The following VPS13B variants were observed in gnomAD, a reference collection of about 807,000 sequenced individuals.
VPS13B encodes vacuolar protein sorting 13 homolog B.
In VPS13B, 285 loss-of-function variants were observed where a neutral mutation model predicts 426.4. The observed-to-expected ratio is 0.67, with a 90% CI of 0.61 to 0.74. The LOEUF is 0.74. Ranked by LOEUF, VPS13B falls within the 30% of genes least tolerant of loss-of-function variation. VPS13B has a pLI of 0.00. For synonymous variants in VPS13B, 1,676 were observed against 1,676.4 expected (o/e 1.00, Z 0.01); for missense variants, 4,537 against 4,782.6 (o/e 0.95, Z 1.51).
chr8:99,377,393 A>T (rs1813546928), intron 19 of VPS13B, among the ~76,000 whole-genome samples: 1 of 152,174 alleles, frequency 6.6e-6, no homozygotes, highest in Non-Finnish European at 1.5e-5. Context: ...CTGGGCTTAC[A>T]TCCTAAACTA....
At chr8:99,524,576 T>C (rs191689639) in intron 30 of VPS13B, among the ~76,000 whole-genome samples, 4 of 152,302 alleles carry the variant, frequency 2.6e-5, no homozygotes, top group African/African-American at 9.6e-5. Flanking sequence ...GAGGATTGCT[T>C]GAGCCCGGGA....
chr8:99,073,171 T>C (rs573216695), intron 3 of VPS13B, among the ~76,000 whole-genome samples: 1 of 152,254 alleles, frequency 6.6e-6, no homozygotes, highest in East Asian at 1.9e-4. Flanking sequence ...CACCTGATGC[T>C]AGCACAGCAC....
intron 3 of VPS13B, among the ~76,000 whole-genome samples, chr8:99,087,336 T>C (rs1845876512): frequency 1.3e-5 from 2 of 152,132 alleles, no homozygotes; most frequent in African/African-American, 4.8e-5. Context: ...AGTGACCTGA[T>C]TTTCCAGGTG....
intron 33 of VPS13B, among the ~76,000 whole-genome samples, chr8:99,606,345 G>C (rs893603136): frequency 6.6e-6 from 1 of 151,916 alleles, no homozygotes; most frequent in Non-Finnish European, 1.5e-5. Context: ...TTATCTTTCA[G>C]TTCTTTCAGC....
intron 17 of VPS13B, among the ~76,000 whole-genome samples, chr8:99,255,993 T>C (rs1285381583): frequency 6.6e-6 from 1 of 152,194 alleles, no homozygotes; most frequent in East Asian, 1.9e-4. Flanking sequence ...TCTTTGCTGT[T>C]GTTGGTAGTG....
intron 28 of VPS13B, among the ~76,000 whole-genome samples, chr8:99,509,514 A>G (rs916860218): frequency 1.3e-5 from 2 of 152,300 alleles, no homozygotes; most frequent in Admixed American, 6.5e-5. Context: ...ACTGAATTGC[A>G]TATTTTTTCC....
At chr8:99,748,074 A>C (rs968612539) in intron 39 of VPS13B, among the ~76,000 whole-genome samples, 2 of 151,970 alleles carry the variant, frequency 1.3e-5, no homozygotes, top group Non-Finnish European at 2.9e-5. Flanking sequence ...AAAATTTGCC[A>C]CCTATAACCT....
intron 23 of VPS13B, among the ~76,000 whole-genome samples, chr8:99,455,227 AGTTTTGT>A (rs1444164935): frequency 4.6e-5 from 7 of 152,158 alleles, no homozygotes; most frequent in African/African-American, 1.7e-4. Context: ...GGAGTTTTAT[AGTTTTGT>A]GTTTTGCATT....
At chr8:99,621,944 C>T (rs1290818129) in intron 33 of VPS13B, among the ~76,000 whole-genome samples, 1 of 150,850 alleles carries the variant, frequency 6.6e-6, no homozygotes, top group Non-Finnish European at 1.5e-5. Flanking sequence ...AGCGATTCTC[C>T]TGTCTCACGC....
intron 3 of VPS13B, among the ~76,000 whole-genome samples, chr8:99,083,289 A>G (rs1441967969): frequency 6.6e-6 from 1 of 152,096 alleles, no homozygotes; most frequent in Non-Finnish European, 1.5e-5. Context: ...AATGCTTGTG[A>G]TTTTTGCACA....
At chr8:99,121,769 C>T (rs558612278) in intron 8 of VPS13B, 4 of 289,512 alleles carry the variant, frequency 1.4e-5, no homozygotes, top group South Asian at 1.1e-4. Flanking sequence ...AAAATTTTCC[C>T]GTGAATTCTT....
In VPS13B at chr8:99,239,954, T is replaced by G. The variant is rs1588165778; in HGVS notation, c.2516-34244T>G. Among the ~76,000 whole-genome samples, 4 of 152,294 alleles carry G rather than the reference T, an allele frequency of 2.6e-5. No individual in the cohort carries two copies. In the South Asian group the frequency reaches 8.3e-4, roughly 32 times the overall value. ...TAATACTTAATAAAGTTAGGCTTCA[T>G]GTAGAGGGGTAGGATTTGTATCAGA... On this transcript the variant is annotated intron_variant, in intron 17 of 61. Coordinates refer to ENST00000357162, the MANE Select transcript of VPS13B (RefSeq NM_152564.5).
chr8:99,462,152 T>C (rs1339047099), intron 23 of VPS13B, among the ~76,000 whole-genome samples: 1 of 147,238 alleles, frequency 6.8e-6, no homozygotes, highest in Non-Finnish European at 1.5e-5. Context: ...AACTCTCCCT[T>C]CCTCCCTCCC....
At chr8:99,551,118 A>G (rs1408316862) in intron 30 of VPS13B, among the ~76,000 whole-genome samples, 3 of 152,040 alleles carry the variant, frequency 2.0e-5, no homozygotes, top group Non-Finnish European at 4.4e-5. Context: ...GTTTTCCACC[A>G]TGGAGGACAG....
chr8:99,577,245 T>C (rs1825819638), intron 32 of VPS13B, among the ~76,000 whole-genome samples: 1 of 152,118 alleles, frequency 6.6e-6, no homozygotes, highest in South Asian at 2.1e-4. Context: ...GGTGAAGACT[T>C]CTTATTGTTA....
At chr8:99,619,560 A>G (rs543681223) in intron 33 of VPS13B, among the ~76,000 whole-genome samples, 1 of 152,218 alleles carries the variant, frequency 6.6e-6, no homozygotes, top group East Asian at 1.9e-4. Flanking sequence ...TTTCCCCACA[A>G]TTTTATAATG....
chr8:99,332,390 C>A (rs1021745429), intron 19 of VPS13B, among the ~76,000 whole-genome samples: 4 of 151,534 alleles, frequency 2.6e-5, no homozygotes, highest in African/African-American at 7.3e-5. Flanking sequence ...CTATATTAAT[C>A]TTTTCATATA....
Position 99,577,588 on chromosome 8 carries a change from A to G in VPS13B, c.5175A>G (p.Ile1725Met). 1 of 1,613,908 alleles carries G rather than the reference A, an allele frequency of 6.2e-7. No homozygotes were observed. Among genetic ancestry groups the G allele is most frequent in the Non-Finnish European group, 8.5e-7 (1 of 1,179,788 alleles). ...VAQVQLLHQL[I>M]VANMTGLEPS... ...AAGTTCAACTCTTACATCAGTTAAT[A>G]GTAGCAAATATGACTGGACTGGAAC... The change falls in exon 33 of 62, where the codon ATA (isoleucine) becomes ATG (methionine). Residue 1725 changes from isoleucine to methionine, a missense_variant. By Grantham distance (10) the Ile-to-Met change is conservative. This residue lies in a region of VPS13B where 4,311 missense variants were observed against 4,474.3 expected (regional missense o/e 0.96). Coordinates refer to ENST00000357162, the MANE Select transcript of VPS13B (RefSeq NM_152564.5).
chr8:99,775,150 C>T (rs1413851959), intron 40 of VPS13B, among the ~76,000 whole-genome samples: 2 of 152,182 alleles, frequency 1.3e-5, no homozygotes, highest in Non-Finnish European at 2.9e-5. Context: ...GCACTTCCCA[C>T]TTTCCTATTC....
Sources: gnomAD v4.1 joint callset for allele counts (sites outside exome capture counted in the v4.1 genomes callset) on GRCh38, gnomAD v4.1.1 for gene constraint, gnomAD v4.1.1 regional missense constraint, MANE v1.5 for transcripts, NCBI Gene and HGNC (gene_info 2026-07-23, HGNC 2026-07-21) for gene names.